The following MGAT1 variants were observed in gnomAD, a reference collection of about 807,000 sequenced individuals.
MGAT1 encodes the protein N-glycosyl-oligosaccharide-glycoprotein N-acetylglucosaminyltransferase I.
A neutral mutation model predicts 31.7 loss-of-function variants in MGAT1; 14 were observed. The observed-to-expected ratio is 0.44, with a 90% confidence interval of 0.29 to 0.69. The LOEUF is 0.69. Ranked by LOEUF, MGAT1 falls within the 30% of genes least tolerant of loss-of-function variation. The pLI, the probability that MGAT1 is intolerant of heterozygous loss-of-function variation, is 0.12. For synonymous variants in MGAT1, 338 were observed against 276.0 expected (o/e 1.22, Z -2.23); for missense variants, 557 against 626.0 (o/e 0.89, Z 1.18).
rs148007369 is a variant in MGAT1 at position 180,791,432 on chromosome 5, A to G, written c.*202T>C. ...CTTAATACCCCGCAACATACCCTAG[A>G]ATAGTTCCCCTGATCTGACTCCCTT... On this transcript the variant is annotated 3_prime_UTR_variant, in exon 2 of 2. Transcript: ENST00000307826. 303 of 686,208 alleles carry G rather than the reference A, an allele frequency of 4.4e-4. 1 individual carries two copies. The African/African-American group carries it at 4.9e-3, about 11-fold the overall frequency. 42.5% of individuals were successfully genotyped at this position (686,208 alleles called of 1,614,324 possible). A position where few individuals can be genotyped will look rare whatever the true frequency, so the allele number is the denominator to read the frequency against.
Position 180,793,094 on chromosome 5 carries a change from G to T in MGAT1, c.-123C>A. Reference sequence around the variant, plus strand: ...GACTATGGGATTAGGAGGCAGCCATGCACCTAAAGACAGGAGAGAGAAAGC... The same window carrying T: ...GACTATGGGATTAGGAGGCAGCCATTCACCTAAAGACAGGAGAGAGAAAGC... On this transcript the variant is annotated 5_prime_UTR_variant, in exon 2 of 2. Coordinates refer to ENST00000307826, the MANE Select transcript of MGAT1 (RefSeq NM_002406.4). 8.4e-7 allele frequency: 1 copy of T among 1,183,832 alleles called. No individual in the cohort carries two copies. Among genetic ancestry groups the T allele is most frequent in the Non-Finnish European group, 1.2e-6 (1 of 852,696 alleles). 73.3% of individuals were successfully genotyped at this position (1,183,832 alleles called of 1,614,324 possible). A position where few individuals can be genotyped will look rare whatever the true frequency, so the allele number is the denominator to read the frequency against.
At chr5:180,804,237 G>C (rs138068762), upstream of MGAT1, among the ~76,000 whole-genome samples, 1 of 152,232 alleles carries the variant, frequency 6.6e-6, no homozygotes. Flanking sequence ...GAGGCTCAGG[G>C]TAAGTGCAAA....
chr5:180,803,358 G>A (rs1771328284), upstream of MGAT1: 1 of 152,372 alleles, frequency 6.6e-6, no homozygotes, highest in Admixed American at 6.5e-5. Context: ...TTGGTGGGTG[G>A]GGAATGAGAG....
At position 180,792,121 on chromosome 5, in the gene MGAT1, G is replaced by A; in HGVS notation, c.851C>T (p.Pro284Leu). The change falls in exon 2 of 2, where the codon CCA becomes CTA. Residue 284 changes from proline (P) to leucine (L), a missense_variant. Pro to Leu is a moderately conservative substitution (Grantham distance 98). Coordinates refer to ENST00000307826, the MANE Select transcript of MGAT1 (RefSeq NM_002406.4). Reference sequence around the variant, plus strand: ...CATCCAGTCGTCCCAGAAGGCCTTTGGCCACTTGGGCTCCAGCTCAGCCCA... The same window carrying A: ...CATCCAGTCGTCCCAGAAGGCCTTTAGCCACTTGGGCTCCAGCTCAGCCCA... ...ELWAELEPKW[P>L]KAFWDDWMRR... is the part of the protein sequence containing the mutation. The A allele has an allele frequency of 6.2e-7, 1 of 1,613,216 alleles. No homozygotes were observed. Among genetic ancestry groups the A allele is most frequent in the Non-Finnish European group, 8.5e-7 (1 of 1,179,940 alleles).
intron 1 of MGAT1, among the ~76,000 whole-genome samples, chr5:180,794,855 T>C (rs1769005734): frequency 6.6e-6 from 1 of 152,144 alleles, no homozygotes; most frequent in African/African-American, 2.4e-5. Flanking sequence ...CTTTCAGCCA[T>C]GTCCCTACAA....
rs1248799590 is a variant in MGAT1, at chr5:180,790,816, G to T, written c.*818C>A. ...CAAACCCCAGGGGAAAAAGGGACAG[G>T]CAGATCGAATTCTGTCTTCTACCAA... is the stretch of plus-strand genomic sequence containing the variant. On this transcript the variant is annotated 3_prime_UTR_variant, in exon 2 of 2. Coordinates refer to ENST00000307826, the MANE Select transcript of MGAT1 (RefSeq NM_002406.4). The T allele has an allele frequency of 1.3e-5, 2 of 152,368 alleles. No homozygotes were observed. The highest frequency in any genetic ancestry group is 2.9e-5 in the Non-Finnish European group (2 of 68,176). 9.4% of individuals were successfully genotyped at this position (152,368 alleles called of 1,614,324 possible).
In MGAT1 at chr5:180,792,747, G is replaced by A. The variant is rs770382892; in HGVS notation, c.225C>T (p.Ile75=). 1.4e-5 allele frequency: 21 copies of A among 1,547,726 alleles called. 1 individual carries two copies. The highest frequency in any genetic ancestry group is 1.2e-4 in the East Asian group (5 of 41,098). The change falls in exon 2 of 2, where the codon ATC becomes ATT. Residue 75 remains isoleucine, a synonymous_variant. Coordinates refer to ENST00000307826, the MANE Select transcript of MGAT1 (RefSeq NM_002406.4). The part of the protein sequence containing the change: ...LERQRGLLQQ[I]GDALSSQRGR... ...CCCGCTGGCTCGACAGGGCATCCCCGATCTGCTGCAGCAGCCCACGCTGCC... is the reference window on the plus strand; with the variant it reads ...CCCGCTGGCTCGACAGGGCATCCCCAATCTGCTGCAGCAGCCCACGCTGCC...
chr5:180,794,358 C>T (rs141508531), intron 1 of MGAT1, among the ~76,000 whole-genome samples: 3,734 of 150,866 alleles, frequency 0.025, 147 homozygotes, highest in African/African-American at 0.086. Flanking sequence ...TGTGCCATTG[C>T]ACTCCAGCCT....
chr5:180,792,272 A>T lies in MGAT1; in HGVS notation c.700T>A (p.Ser234Thr), dbSNP rs751905646. The T allele has an allele frequency of 1.2e-6, 2 of 1,612,514 alleles. No homozygotes were observed. Among genetic ancestry groups the T allele is most frequent in the Admixed American group, 1.7e-5 (1 of 60,020 alleles). The part of the protein sequence containing the change: ...ATYPLLKADP[S>T]LWCVSAWNDN... Reference sequence around the variant, plus strand: ...TTCCAGGCCGAGACGCACCACAGGGAGGGGTCGGCCTTCAGCAGCGGATAG... The same window carrying T: ...TTCCAGGCCGAGACGCACCACAGGGTGGGGTCGGCCTTCAGCAGCGGATAG... Residue 234 changes from serine to threonine, a missense_variant, in exon 2 of 2, where the codon TCC becomes ACC. Physicochemically the swap from Ser to Thr is moderately conservative, Grantham distance 58. This residue lies in a region of MGAT1 where 245 missense variants were observed against 332.9 expected (regional missense o/e 0.74). Transcript: ENST00000307826.
upstream of MGAT1, among the ~76,000 whole-genome samples, chr5:180,805,285 C>T (rs1771694813): frequency 6.6e-6 from 1 of 151,886 alleles, no homozygotes; most frequent in South Asian, 2.1e-4. Context: ...CAATACTCTC[C>T]CCTGCCCACT....
chr5:180,793,067 T>C lies in MGAT1; in HGVS notation c.-96A>G, dbSNP rs968501653. ...CCCGCAGTCCTAGGGATGCCTCCTC[T>C]GGACTATGGGATTAGGAGGCAGCCA... is the stretch of plus-strand genomic sequence containing the variant. On this transcript the variant is annotated 5_prime_UTR_variant, in exon 2 of 2. Transcript: ENST00000307826. 33 of 1,426,838 alleles carry C rather than the reference T, an allele frequency of 2.3e-5. No homozygotes were observed. The highest frequency in any genetic ancestry group is 3.0e-5 in the Non-Finnish European group (32 of 1,050,486). The allele number at this position is 1,426,838 out of a possible 1,614,324, so 88.4% of individuals were successfully genotyped here.
chr5:180,804,441 G>C (rs149593823), upstream of MGAT1, among the ~76,000 whole-genome samples: 1,974 of 152,316 alleles, frequency 0.013, 18 homozygotes, highest in Middle Eastern at 0.02. Flanking sequence ...GTGGGAGAAG[G>C]GCAGGCCCAC....
rs1581777170 is a variant in MGAT1 at position 180,787,806 on chromosome 5, G to A, written c.*3828C>T. On this transcript the variant is annotated 3_prime_UTR_variant, in exon 2 of 2. Transcript: ENST00000307826. Reference sequence around the variant, plus strand: ...GCAGGGCCCAGTGAAGGCTCAGGAGGGCCTTGGCCAGACTCCATCAGACAT... The same window carrying A: ...GCAGGGCCCAGTGAAGGCTCAGGAGAGCCTTGGCCAGACTCCATCAGACAT... The A allele has an allele frequency of 6.6e-6, 1 of 152,270 alleles. No homozygotes were observed. The highest frequency in any genetic ancestry group is 2.4e-5 in the African/African-American group (1 of 41,438). The allele number at this position is 152,270 out of a possible 1,614,324, so 9.4% of individuals were successfully genotyped here.
At chr5:180,796,193 T>C (rs62405454) in intron 1 of MGAT1, among the ~76,000 whole-genome samples, 18,922 of 151,940 alleles carry the variant, frequency 0.12, 1,254 homozygotes, top group East Asian at 0.25. Context: ...GCAGATCTGG[T>C]ATAAAAGGGC....
intron 1 of MGAT1, among the ~76,000 whole-genome samples, chr5:180,811,715 G>A (rs942583351): frequency 2.6e-5 from 4 of 152,100 alleles, no homozygotes; most frequent in African/African-American, 9.7e-5. Context: ...GGATCCTGTC[G>A]TTTCTGTGCT....
chr5:180,803,265 G>A (rs1035185027), upstream of MGAT1: 2 of 152,560 alleles, frequency 1.3e-5, no homozygotes, highest in African/African-American at 4.8e-5. Context: ...ACAGGAACCA[G>A]GGTGCCCGAC....
rs1189284509 is a variant in MGAT1 at position 180,786,343 on chromosome 5, T to G, written c.*5291A>C. On this transcript the variant is annotated 3_prime_UTR_variant, in exon 2 of 2. Coordinates refer to ENST00000307826, the MANE Select transcript of MGAT1 (RefSeq NM_002406.4). ...CCCCTCTCCAGGTCAGGGTTCCTAA[T>G]GCACTCCCCCCAAAGCTCCCCATCA... The G allele has an allele frequency of 1.3e-5, 2 of 152,314 alleles. No individual in the cohort carries two copies. Among genetic ancestry groups the G allele is most frequent in the Non-Finnish European group, 2.9e-5 (2 of 68,128 alleles). The allele number at this position is 152,314 out of a possible 1,614,324, so 9.4% of individuals were successfully genotyped here.
In MGAT1 at chr5:180,788,971, A is replaced by T. The variant is rs1265051264; in HGVS notation, c.*2663T>A. 1 of 152,274 alleles carries T rather than the reference A, an allele frequency of 6.6e-6. No individual in the cohort carries two copies. Among genetic ancestry groups the T allele is most frequent in the African/African-American group, 2.4e-5 (1 of 41,466 alleles). 9.4% of individuals were successfully genotyped at this position (152,274 alleles called of 1,614,324 possible). Reference sequence around the variant, plus strand: ...GCCAAACTCCTCCTGGCTCCACCGGAAAGGGCACAATGCAGCTATCGCCGG... The same window carrying T: ...GCCAAACTCCTCCTGGCTCCACCGGTAAGGGCACAATGCAGCTATCGCCGG... On this transcript the variant is annotated 3_prime_UTR_variant, in exon 2 of 2. Transcript: ENST00000307826.
chr5:180,786,819 C>T lies in MGAT1; in HGVS notation c.*4815G>A, dbSNP rs1767597733. 1 of 152,414 alleles carries T rather than the reference C, an allele frequency of 6.6e-6. No homozygotes were observed. The highest frequency in any genetic ancestry group is 2.4e-5 in the African/African-American group (1 of 41,550). 9.4% of individuals were successfully genotyped at this position (152,414 alleles called of 1,614,324 possible). A position where few individuals can be genotyped will look rare whatever the true frequency, so the allele number is the denominator to read the frequency against. On this transcript the variant is annotated 3_prime_UTR_variant, in exon 2 of 2. Transcript: ENST00000307826. ...TTTCCGTCCGGCGCTGGGATCCAGG[C>T]TTCCTGCTCTGCAACTGAATCCATT...
Sources: allele counts gnomAD v4.1 joint callset (sites outside exome capture counted in the v4.1 genomes callset), GRCh38; gene constraint gnomAD v4.1.1; regional missense constraint gnomAD v4.1.1; transcripts MANE v1.5; gene names NCBI Gene and HGNC (gene_info 2026-07-23, HGNC 2026-07-21).